SLC25A48: variants seen among roughly 807,000 people sequenced by gnomAD.
SLC25A48 encodes the protein CTC-321K16.1.
SLC25A48 carries 29 observed loss-of-function variants against 32.2 expected under a neutral mutation model. That is an observed-to-expected ratio of 0.90 (90% CI 0.67 to 1.23). SLC25A48 has a LOEUF of 1.23. Among genes scored for constraint, SLC25A48 ranks in the 50% most tolerant of loss-of-function variants. The pLI, the probability that SLC25A48 is intolerant of heterozygous loss-of-function variation, is 0.00. For missense variants in SLC25A48, 399 were observed against 422.7 expected (o/e 0.94, Z 0.49); for synonymous variants, 164 against 172.3 (o/e 0.95, Z 0.38).
At chr5:135,862,127 A>G (rs532265331) in intron 4 of SLC25A48, among the ~76,000 whole-genome samples, 8 of 151,968 alleles carry the variant, frequency 5.3e-5, no homozygotes, top group South Asian at 2.1e-4. Context: ...TGTTGGGCAT[A>G]AGCCTAACTA....
chr5:135,590,869 G>A (rs1751508720), intron 1 of SLC25A48, among the ~76,000 whole-genome samples: 1 of 152,258 alleles, frequency 6.6e-6, no homozygotes, highest in Non-Finnish European at 1.5e-5. Context: ...ACATCTCTTT[G>A]AGTTCTCAAC....
intron 3 of SLC25A48, among the ~76,000 whole-genome samples, chr5:135,653,549 G>A (rs1437630905): frequency 6.6e-6 from 1 of 152,198 alleles, no homozygotes; most frequent in African/African-American, 2.4e-5. Context: ...AGTAGAAGAA[G>A]GAAGCCATAG....
At chr5:135,848,278 C>A (rs1450413587) in intron 2 of SLC25A48, among the ~76,000 whole-genome samples, 1 of 152,178 alleles carries the variant, frequency 6.6e-6, no homozygotes, top group East Asian at 1.9e-4. Context: ...GGGTGGGTGG[C>A]AGTCAGCCAT....
At chr5:135,879,725 A>G (rs1247088177) in intron 6 of SLC25A48, among the ~76,000 whole-genome samples, 1 of 152,114 alleles carries the variant, frequency 6.6e-6, no homozygotes, top group Non-Finnish European at 1.5e-5. Flanking sequence ...CCAACAGCTT[A>G]CCTATAGTAT....
chr5:135,638,631 G>GT (rs1382275482), intron 3 of SLC25A48, among the ~76,000 whole-genome samples: 1 of 152,212 alleles, frequency 6.6e-6, no homozygotes, highest in Non-Finnish European at 1.5e-5. Flanking sequence ...AATCCCCAGG[G>GT]ATAGGATGAA....
At chr5:135,768,556 C>A (rs923359231) in intron 3 of SLC25A48, among the ~76,000 whole-genome samples, 1 of 150,746 alleles carries the variant, frequency 6.6e-6, no homozygotes, top group African/African-American at 2.4e-5. Context: ...GGGTATACAC[C>A]CCTCTGTGAC....
chr5:135,794,185 C>A (rs1757106603), intron 3 of SLC25A48, among the ~76,000 whole-genome samples: 1 of 151,728 alleles, frequency 6.6e-6, no homozygotes, highest in South Asian at 2.1e-4. Flanking sequence ...GATGGCATGA[C>A]TCTCATTATC....
At chr5:135,799,637 G>T (rs1757272996) in intron 3 of SLC25A48, among the ~76,000 whole-genome samples, 1 of 151,486 alleles carries the variant, frequency 6.6e-6, no homozygotes, top group Admixed American at 6.6e-5. Flanking sequence ...ATGTAATATT[G>T]TTCCTAATAC....
intron 2 of SLC25A48, among the ~76,000 whole-genome samples, chr5:135,848,258 T>C (rs945391028): frequency 3.9e-5 from 6 of 152,210 alleles, no homozygotes; most frequent in African/African-American, 1.4e-4. Context: ...AATTGATTAC[T>C]TGTTGCAGGG....
At chr5:135,613,902 C>T (rs2126893078) in intron 1 of SLC25A48, among the ~76,000 whole-genome samples, 1 of 152,072 alleles carries the variant, frequency 6.6e-6, no homozygotes, top group Non-Finnish European at 1.5e-5. Flanking sequence ...TTCTTTTGTT[C>T]CAGAATTCTT....
chr5:135,844,252 A>G (rs1708069993), intron 2 of SLC25A48, among the ~76,000 whole-genome samples: 2 of 152,144 alleles, frequency 1.3e-5, no homozygotes, highest in Non-Finnish European at 2.9e-5. Flanking sequence ...ATGAGTGGCC[A>G]TCTGGGACCT....
In SLC25A48 at chr5:135,835,885, G is replaced by A. The variant is rs1255295643; in HGVS notation, c.46+992G>A. ...CCGAGACCGGTGGCTGCAGGGCCCT[G>A]CTTCACACCTTCCTGAGCAGAGGTG... On this transcript the variant is annotated intron_variant, in intron 1 of 7. Transcript: ENST00000681962. Among the ~76,000 whole-genome samples the A allele has an allele frequency of 2.6e-5, 4 of 152,222 alleles. 1 individual carries two copies. In the South Asian group the frequency reaches 8.3e-4, roughly 32 times the overall value.
chr5:135,729,212 G>T (rs940512230), intron 3 of SLC25A48, among the ~76,000 whole-genome samples: 2 of 152,124 alleles, frequency 1.3e-5, no homozygotes, highest in Non-Finnish European at 2.9e-5. Flanking sequence ...ACCCTGAGTA[G>T]CATGTGACTA....
At chr5:135,693,131 A>G (rs1222701600) in intron 3 of SLC25A48, among the ~76,000 whole-genome samples, 2 of 152,230 alleles carry the variant, frequency 1.3e-5, no homozygotes, top group Non-Finnish European at 2.9e-5. Context: ...ATAACTTAAG[A>G]TGTTCATGGT....
At chr5:135,721,866 G>C (rs1386507389) in intron 3 of SLC25A48, among the ~76,000 whole-genome samples, 1 of 152,218 alleles carries the variant, frequency 6.6e-6, no homozygotes, top group African/African-American at 2.4e-5. Flanking sequence ...AGAAGGATGG[G>C]GTTGTGATGC....
chr5:135,711,411 G>A (rs1186445505), intron 3 of SLC25A48, among the ~76,000 whole-genome samples: 12 of 152,106 alleles, frequency 7.9e-5, no homozygotes, highest in African/African-American at 1.4e-4. Flanking sequence ...GAAACCATTC[G>A]TAGCTTCAAA....
chr5:135,620,899 T>C (rs1157441340), intron 1 of SLC25A48, among the ~76,000 whole-genome samples: 1 of 152,108 alleles, frequency 6.6e-6, no homozygotes, highest in Non-Finnish European at 1.5e-5. Flanking sequence ...CTGCTGGAGA[T>C]CTCTCTCTTA....
chr5:135,734,834 AAAG>A (rs35822813), intron 3 of SLC25A48, among the ~76,000 whole-genome samples: 37,287 of 140,216 alleles, frequency 0.27, 4,913 homozygotes, highest in East Asian at 0.43. Context: ...AAAAAAAAAA[AAAG>A]AAGAAGAAGA....
chr5:135,847,292 C>T (rs960928984), intron 2 of SLC25A48, among the ~76,000 whole-genome samples: 4 of 152,190 alleles, frequency 2.6e-5, no homozygotes, highest in African/African-American at 9.6e-5. Context: ...TGGTCAAGAG[C>T]TTGGACTAGA....
Sources: allele counts gnomAD v4.1 joint callset (sites outside exome capture counted in the v4.1 genomes callset), GRCh38; gene constraint gnomAD v4.1.1; transcripts MANE v1.5; gene names NCBI Gene and HGNC (gene_info 2026-07-23, HGNC 2026-07-21).